DBNDD2: variants seen among roughly 807,000 people sequenced by gnomAD.
DBNDD2 encodes dysbindin domain containing 2.
In DBNDD2, 8 loss-of-function variants were observed where a neutral mutation model predicts 14.0. The observed-to-expected ratio is 0.57, with a 90% CI of 0.33 to 1.03. The LOEUF (loss-of-function observed/expected upper bound fraction) is 1.03. DBNDD2 is among the 50% of genes least tolerant of loss of function. The pLI is 0.03. For missense variants in DBNDD2, 194 were observed against 206.0 expected (o/e 0.94, Z 0.36); for synonymous variants, 94 against 85.3 (o/e 1.10, Z -0.56).
upstream of DBNDD2, chr20:45,407,621 A>G: frequency 1.0e-6 from 1 of 988,838 alleles, no homozygotes; most frequent in Non-Finnish European, 1.2e-6. Context: ...CTGGACCCAG[A>G]ACCCGCCTTT....
In DBNDD2 at chr20:45,408,623, G is replaced by C. The variant is rs766634165; in HGVS notation, c.139+17G>C. On this transcript the variant is annotated intron_variant, in intron 1 of 2. Transcript: ENST00000372710. ...CGCAGAGACGTAAGTCCCAAGTCCT[G>C]AGAAGAGGGACTGGGGTAGGGTAGG... 5.3e-5 allele frequency: 86 copies of C among 1,608,826 alleles called. No individual in the cohort carries two copies. Among genetic ancestry groups the C allele is most frequent in the Middle Eastern group, 5.0e-4 (3 of 6,050 alleles).
upstream of DBNDD2, chr20:45,406,864 AT>A: frequency 1.7e-6 from 2 of 1,165,816 alleles, no homozygotes; most frequent in Non-Finnish European, 2.1e-6. Context: ...TTTTTAGGGA[AT>A]TTTTTCCCTC....
upstream of DBNDD2, chr20:45,408,195 TAC>T: frequency 1.3e-6 from 2 of 1,551,052 alleles, no homozygotes; most frequent in Non-Finnish European, 1.7e-6. Context: ...GTTCCCTGAA[TAC>T]AGAGTATCTC....
At chr20:45,409,148 GA>G (rs1206932611) in intron 2 of DBNDD2, 1 of 756,620 alleles carries the variant, frequency 1.3e-6, no homozygotes, top group African/African-American at 1.8e-5. Context: ...AAAATTCTGG[GA>G]ACGGTCAATC....
At position 45,410,215 on chromosome 20, in the gene DBNDD2, C is replaced by T. The variant is rs1342809106; in HGVS notation, c.*75C>T. 25 of 1,474,908 alleles carry T rather than the reference C, an allele frequency of 1.7e-5. No homozygotes were observed. Among genetic ancestry groups the T allele is most frequent in the South Asian group, 6.2e-5 (5 of 80,728 alleles). 91.4% of individuals were successfully genotyped at this position (1,474,908 alleles called of 1,614,324 possible). A position where few individuals can be genotyped will look rare whatever the true frequency, so the allele number is the denominator to read the frequency against. ...GACCACAGGCCCAGCCAGAGCCTGT[C>T]GGGAGAAGACCAGACTCTTTACTTG... On this transcript the variant is annotated 3_prime_UTR_variant, in exon 3 of 3. Transcript: ENST00000372710.
At chr20:45,406,269 G>T (rs941911482), upstream of DBNDD2, 27 of 563,414 alleles carry the variant, frequency 4.8e-5, no homozygotes, top group Non-Finnish European at 7.4e-5. Flanking sequence ...CGTAGTCGTT[G>T]CGTGGGCGCT....
intron 2 of DBNDD2, among the ~76,000 whole-genome samples, chr20:45,409,715 C>G (rs2250604): frequency 0.79 from 120,358 of 152,168 alleles, 47,924 homozygotes; most frequent in African/African-American, 0.85. Context: ...TCTTGCCATT[C>G]ATTGACCTGA....
chr20:45,407,435 G>A (rs939369576), upstream of DBNDD2: 9 of 985,798 alleles, frequency 9.1e-6, no homozygotes, highest in African/African-American at 1.6e-4. Flanking sequence ...TGCGGAGGAT[G>A]ACGTCTGATC....
upstream of DBNDD2, chr20:45,408,162 A>G: frequency 1.3e-6 from 2 of 1,545,966 alleles, no homozygotes; most frequent in Non-Finnish European, 1.7e-6. Context: ...AGGGCATGAT[A>G]TGGAGAGTTG....
At chr20:45,408,053 C>A, upstream of DBNDD2, 1 of 1,460,612 alleles carries the variant, frequency 6.8e-7, no homozygotes, top group Non-Finnish European at 9.1e-7. Flanking sequence ...CTGTCTCTAT[C>A]CTATCCTGTC....
chr20:45,409,954 G>A lies in DBNDD2; in HGVS notation c.300G>A (p.Glu100=). ...CAGGGATGGACAACCATTTGGAGGAGCTGAGCCTGCCGGTGCCTACATCAG... is the reference window on the plus strand; with the variant it reads ...CAGGGATGGACAACCATTTGGAGGAACTGAGCCTGCCGGTGCCTACATCAG... ...QSSGMDNHLE[E]LSLPVPTSDR... is the part of the protein sequence containing the mutation. Residue 100 remains glutamate, a synonymous_variant, in exon 3 of 3, where the codon GAG becomes GAA. Coordinates refer to ENST00000372710, the MANE Select transcript of DBNDD2 (RefSeq NM_001048225.4). 6.4e-7 allele frequency: 1 copy of A among 1,551,726 alleles called. No homozygotes were observed. The highest frequency in any genetic ancestry group is 1.7e-4 in the Middle Eastern group (1 of 5,992).
Position 45,410,200 on chromosome 20 carries a change from C to T in DBNDD2, c.*60C>T, listed in dbSNP as rs773129936. ...CTATTCTCCACATGAGACCACAGGC[C>T]CAGCCAGAGCCTGTCGGGAGAAGAC... On this transcript the variant is annotated 3_prime_UTR_variant, in exon 3 of 3. Coordinates refer to ENST00000372710, the MANE Select transcript of DBNDD2 (RefSeq NM_001048225.4). 8.7e-5 allele frequency: 132 copies of T among 1,523,990 alleles called. No homozygotes were observed. Among genetic ancestry groups the T allele is most frequent in the Admixed American group, 1.2e-4 (6 of 50,670 alleles). 94.4% of individuals were successfully genotyped at this position (1,523,990 alleles called of 1,614,324 possible).
intron 2 of DBNDD2, 38 bp from the exon 3 acceptor site, chr20:45,409,894 C>T: frequency 6.5e-7 from 1 of 1,546,404 alleles, no homozygotes; most frequent in South Asian, 1.2e-5. Context: ...TTCTCTGAAG[C>T]CCTGTTTGTG....
At position 45,408,483 on chromosome 20, in the gene DBNDD2, C is replaced by T. The variant is rs773663734; in HGVS notation, c.16C>T (p.Arg6Trp). The change falls in exon 1 of 3, where the codon CGG becomes TGG. Residue 6 changes from arginine to tryptophan, a missense_variant. Transcript: ENST00000372710. MDPNP[R>W]AALERQQLRL... Reference sequence around the variant, plus strand: ...AGGAGCTGACATGGACCCAAATCCTCGGGCCGCCCTGGAGCGCCAGCAGCT... The same window carrying T: ...AGGAGCTGACATGGACCCAAATCCTTGGGCCGCCCTGGAGCGCCAGCAGCT... 5 of 1,614,268 alleles carry T rather than the reference C, an allele frequency of 3.1e-6. No individual in the cohort carries two copies. The highest frequency in any genetic ancestry group is 1.7e-5 in the Admixed American group (1 of 60,034).
Position 45,410,505 on chromosome 20 carries a change from T to G in DBNDD2, c.*365T>G. ...CAAGTGTCTCTAGATGGATGTGAAC[T>G]CCTTAACTCATCAAGTAAGGTGGTA... On this transcript the variant is annotated 3_prime_UTR_variant, in exon 3 of 3. Coordinates refer to ENST00000372710, the MANE Select transcript of DBNDD2 (RefSeq NM_001048225.4). The G allele has an allele frequency of 4.1e-6, 1 of 242,740 alleles. No homozygotes were observed. Among genetic ancestry groups the G allele is most frequent in the Non-Finnish European group, 8.2e-6 (1 of 121,926 alleles). The allele number at this position is 242,740 out of a possible 1,614,324, so 15.0% of individuals were successfully genotyped here.
At chr20:45,408,192 G>T (rs894944470), upstream of DBNDD2, 3 of 1,550,810 alleles carry the variant, frequency 1.9e-6, no homozygotes, top group African/African-American at 4.1e-5. Flanking sequence ...TGTGTTCCCT[G>T]AATACAGAGT....
At chr20:45,406,664 G>T, upstream of DBNDD2, 1 of 1,345,228 alleles carries the variant, frequency 7.4e-7, no homozygotes. Context: ...GGCGCGGCTC[G>T]CTCCCACGCC....
upstream of DBNDD2, chr20:45,407,496 C>A: frequency 1.0e-6 from 1 of 985,814 alleles, no homozygotes; most frequent in African/African-American, 1.7e-5. Context: ...AGCAGAACGC[C>A]GGGAAGGAGA....
At chr20:45,408,959 G>A (rs1456797045) in intron 2 of DBNDD2, 21 bp downstream of exon 2, 1 of 1,614,152 alleles carries the variant, frequency 6.2e-7, no homozygotes, top group South Asian at 1.1e-5. Flanking sequence ...CTGCTTTGGG[G>A]ACTTCAGTGC....
Sources: gnomAD v4.1 joint callset for allele counts (sites outside exome capture counted in the v4.1 genomes callset) on GRCh38, gnomAD v4.1.1 for gene constraint, MANE v1.5 for transcripts, NCBI Gene and HGNC (gene_info 2026-07-23, HGNC 2026-07-21) for gene names.